The following BMF variants were observed in gnomAD, a reference collection of about 807,000 sequenced individuals.
BMF encodes Bcl2 modifying factor, also known as bcl-2-modifying factor.
Under a neutral mutation model 22.0 loss-of-function variants are expected in BMF, and 10 were observed. The observed-to-expected ratio is 0.45, with a 90% CI of 0.28 to 0.77. The LOEUF (loss-of-function observed/expected upper bound fraction) is 0.77, where lower values mean the gene tolerates loss of function less well. Among genes scored for constraint, BMF ranks in the 30% least tolerant of loss-of-function variants. The probability of loss-of-function intolerance (pLI) is 0.13; values close to 1 mark genes in which losing one functional copy is unlikely to be tolerated. For missense variants in BMF, 206 were observed against 226.8 expected (o/e 0.91, Z 0.59); for synonymous variants, 87 against 88.1 (o/e 0.99, Z 0.07).
rs555721433 is a variant in BMF at position 40,091,804 on chromosome 15, C to T, written c.538G>A (p.Gly180Arg). 4.0e-5 allele frequency: 64 copies of T among 1,608,600 alleles called. No individual in the cohort carries two copies. Among genetic ancestry groups the T allele is most frequent in the Admixed American group, 1.0e-4 (6 of 59,618 alleles). Reference sequence around the variant, plus strand: ...GCCCACCCTCACCTAGGGCCTGCCCCGTTCCTGTTCTCTTCTCCATTCAAA... The same window carrying T: ...GCCCACCCTCACCTAGGGCCTGCCCTGTTCCTGTTCTCTTCTCCATTCAAA... ...LALNGEENRN[G>R]AGPR is the part of the protein sequence containing the mutation. Residue 180 changes from glycine (G) to arginine (R), a missense_variant, in exon 5 of 5, where the codon GGG (glycine) becomes AGG (arginine). Transcript: ENST00000354670.
intron 2 of BMF, 106 bp downstream of exon 2, chr15:40,108,153 C>T (rs942703132): frequency 8.5e-5 from 13 of 152,958 alleles, no homozygotes; most frequent in African/African-American, 3.1e-4. Context: ...GGATGCTGAA[C>T]TTAGACTCCT....
chr15:40,093,106 G>A (rs1024461142), intron 4 of BMF, among the ~76,000 whole-genome samples: 73 of 152,222 alleles, frequency 4.8e-4, no homozygotes, highest in African/African-American at 1.7e-3. Flanking sequence ...GGGGGCCCAG[G>A]TTGCCTGGAC....
In BMF at chr15:40,091,796, G is replaced by A. The variant is rs2036236852; in HGVS notation, c.546C>T (p.Gly182=). The A allele has an allele frequency of 1.9e-6, 3 of 1,606,780 alleles. No homozygotes were observed. The highest frequency in any genetic ancestry group is 1.1e-5 in the South Asian group (1 of 89,582). ...AGAGGGCAGCCCACCCTCACCTAGG[G>A]CCTGCCCCGTTCCTGTTCTCTTCTC... is the stretch of plus-strand genomic sequence containing the variant. ...LNGEENRNGA[G]PR Residue 182 remains glycine (G), a synonymous_variant, in exon 5 of 5, where the codon GGC becomes GGT. Transcript: ENST00000354670.
chr15:40,102,093 A>G (rs545846592), intron 4 of BMF, among the ~76,000 whole-genome samples: 8 of 152,240 alleles, frequency 5.3e-5, no homozygotes, highest in South Asian at 4.1e-4. Flanking sequence ...CTGTGCATGC[A>G]AAGAGGCAGC....
intron 4 of BMF, among the ~76,000 whole-genome samples, chr15:40,095,064 C>T (rs1413122018): frequency 2.0e-5 from 3 of 152,202 alleles, no homozygotes; most frequent in East Asian, 1.9e-4. Context: ...AGGATTACAA[C>T]TCAGAGCTCC....
At chr15:40,108,209 A>T (rs538095541) in intron 2 of BMF, 50 bp downstream of exon 2, 53 of 135,216 alleles carry the variant, frequency 3.9e-4, no homozygotes, top group African/African-American at 1.5e-3. Flanking sequence ...GATCCTCGAC[A>T]GTGACTAGGA....
chr15:40,108,521 C>T (rs1595489877), intron 1 of BMF, 135 bp from the exon 2 acceptor site: 1 of 152,818 alleles, frequency 6.5e-6, no homozygotes, highest in African/African-American at 2.4e-5. Context: ...CCCCAGGTTC[C>T]CCTGCCTACC....
intron 2 of BMF, among the ~76,000 whole-genome samples, chr15:40,107,589 T>A (rs2036615482): frequency 7.4e-6 from 1 of 134,862 alleles, no homozygotes; most frequent in South Asian, 2.3e-4. Context: ...GGGAGGGGGG[T>A]GAGGTGGTGC....
rs1227925556 is a variant in BMF, at chr15:40,108,263, G to A, written c.-10C>T. On this transcript the variant is annotated 5_prime_UTR_variant, in exon 2 of 5. Coordinates refer to ENST00000354670, the MANE Select transcript of BMF (RefSeq NM_001003940.2). ...ACACACACACACACCCCAGACCTGG[G>A]TGACTCCAGGAGAGAGTCTCGGCCT... 2 of 142,046 alleles carry A rather than the reference G, an allele frequency of 1.4e-5. No individual in the cohort carries two copies. The highest frequency in any genetic ancestry group is 3.1e-5 in the Non-Finnish European group (2 of 63,992). 8.8% of individuals were successfully genotyped at this position (142,046 alleles called of 1,614,324 possible). A position where few individuals can be genotyped will look rare whatever the true frequency, so the allele number is the denominator to read the frequency against.
intron 4 of BMF, among the ~76,000 whole-genome samples, chr15:40,098,681 T>G (rs116992981): frequency 6.6e-6 from 1 of 152,030 alleles, no homozygotes; most frequent in African/African-American, 2.4e-5. Context: ...CTGCCAGACA[T>G]GGATCAAAAG....
intron 4 of BMF, among the ~76,000 whole-genome samples, chr15:40,094,626 A>T (rs1277047761): frequency 6.6e-6 from 1 of 152,180 alleles, no homozygotes; most frequent in African/African-American, 2.4e-5. Context: ...AAGCCAGCTG[A>T]GGTGCTCTTG....
chr15:40,100,653 C>T (rs2036456992), intron 4 of BMF, among the ~76,000 whole-genome samples: 2 of 152,332 alleles, frequency 1.3e-5, no homozygotes, highest in Middle Eastern at 3.4e-3. Flanking sequence ...GAACTGGTAA[C>T]TCGGGTGACC....
intron 4 of BMF, among the ~76,000 whole-genome samples, chr15:40,102,532 G>A (rs2036500379): frequency 6.6e-6 from 1 of 152,086 alleles, no homozygotes; most frequent in Admixed American, 6.5e-5. Context: ...TCCTGTGCCA[G>A]GGAGGGCTCC....
chr15:40,100,808 C>T (rs372034452), intron 4 of BMF, among the ~76,000 whole-genome samples: 64 of 152,292 alleles, frequency 4.2e-4, no homozygotes, highest in African/African-American at 1.4e-3. Context: ...GGCATCAGCA[C>T]GCCCCCTCCC....
intron 2 of BMF, 98 bp downstream of exon 2, chr15:40,108,161 C>T (rs1186635896): frequency 6.5e-6 from 1 of 152,948 alleles, no homozygotes; most frequent in East Asian, 1.9e-4. Context: ...AACTTAGACT[C>T]CTCCTCCTCT....
chr15:40,093,160 T>C (rs2036280241), intron 4 of BMF, among the ~76,000 whole-genome samples: 1 of 152,206 alleles, frequency 6.6e-6, no homozygotes, highest in African/African-American at 2.4e-5. Context: ...CTCCCTGACC[T>C]TTCCCAGGGC....
Position 40,091,896 on chromosome 15 carries a change from G to T in BMF, c.454-8C>A. 6.4e-7 allele frequency: 1 copy of T among 1,554,204 alleles called. No individual in the cohort carries two copies. Among genetic ancestry groups the T allele is most frequent in the Non-Finnish European group, 8.7e-7 (1 of 1,146,984 alleles). ...ATTTTGGTTCTGCTGGTGCTGAAGG[G>T]AGAAAAAAAAAAAAGACCAACATAA... On this transcript the variant is annotated splice_region_variant and splice_polypyrimidine_tract_variant and intron_variant, in intron 4 of 4. Transcript: ENST00000354670.
chr15:40,095,213 T>C (rs2036331713), intron 4 of BMF, among the ~76,000 whole-genome samples: 1 of 152,184 alleles, frequency 6.6e-6, no homozygotes, highest in East Asian at 1.9e-4. Flanking sequence ...AAGACCCTTT[T>C]CCATGAGGAA....
intron 4 of BMF, among the ~76,000 whole-genome samples, chr15:40,099,580 A>G (rs1354350036): frequency 6.6e-6 from 1 of 152,078 alleles, no homozygotes; most frequent in East Asian, 1.9e-4. Context: ...CGAGTTCAAG[A>G]CAAGCCTGAC....
Sources: gnomAD v4.1 joint callset for allele counts (sites outside exome capture counted in the v4.1 genomes callset) on GRCh38, gnomAD v4.1.1 for gene constraint, MANE v1.5 for transcripts, NCBI Gene and HGNC (gene_info 2026-07-23, HGNC 2026-07-21) for gene names.